Variants in BMAL1 observed in about 807,000 individuals in gnomAD.
BMAL1 encodes basic helix-loop-helix ARNT like 1, also known as basic helix-loop-helix ARNT-like protein 1.
At chr11:13,281,353 C>G in the BMAL1 span, among the ~76,000 whole-genome samples, 14 of 152,022 alleles carry the variant, frequency 9.2e-5, no homozygotes. Flanking sequence ...CAGCCTCCCC[C>G]ACTCTCCCAT....
At chr11:13,284,248 A>G in the BMAL1 span, among the ~76,000 whole-genome samples, 16 of 23,696 alleles carry the variant, frequency 6.8e-4, no homozygotes, top group Non-Finnish European at 8.1e-4. Context: ...ATATATATAT[A>G]TATATATATA....
chr11:13,300,523 G>A, the BMAL1 span, among the ~76,000 whole-genome samples: 5 of 152,166 alleles, frequency 3.3e-5, no homozygotes, highest in African/African-American at 4.8e-5. Flanking sequence ...AAAGTAACTC[G>A]TGACTTGTTT....
the BMAL1 span, among the ~76,000 whole-genome samples, chr11:13,361,717 T>C: frequency 6.6e-6 from 1 of 152,200 alleles, no homozygotes; most frequent in Admixed American, 6.5e-5. Context: ...GAGTAGGTTA[T>C]GTTGGGTTGC....
At chr11:13,277,396 G>A in the BMAL1 span, among the ~76,000 whole-genome samples, 1 of 152,180 alleles carries the variant, frequency 6.6e-6, no homozygotes, top group African/African-American at 2.4e-5. Flanking sequence ...GCGGCTAGTG[G>A]GAGACCTGAG....
At chr11:13,309,925 T>C in the BMAL1 span, 2 of 152,664 alleles carry the variant, frequency 1.3e-5, no homozygotes, top group East Asian at 3.9e-4. Context: ...AGGAGTATGG[T>C]AAATCAAAAC....
At chr11:13,284,126 G>GTATATA in the BMAL1 span, among the ~76,000 whole-genome samples, 1 of 98,604 alleles carries the variant, frequency 1.0e-5, no homozygotes, top group African/African-American at 4.5e-5. Flanking sequence ...ATATGTGTGT[G>GTATATA]TGTATATATA....
At chr11:13,298,260 C>T in the BMAL1 span, among the ~76,000 whole-genome samples, 1 of 152,220 alleles carries the variant, frequency 6.6e-6, no homozygotes, top group Admixed American at 6.5e-5. Context: ...CCGTGTTGTT[C>T]TTCAAACACA....
chr11:13,295,364 T>A, the BMAL1 span, among the ~76,000 whole-genome samples: 17 of 151,674 alleles, frequency 1.1e-4, no homozygotes, highest in African/African-American at 4.1e-4. Flanking sequence ...AGCAGGGGAA[T>A]CAATGAAGAA....
the BMAL1 span, among the ~76,000 whole-genome samples, chr11:13,298,329 C>G: frequency 6.6e-6 from 1 of 152,178 alleles, no homozygotes; most frequent in Non-Finnish European, 1.5e-5. Context: ...CTGGACCATT[C>G]TTCCCCCAGA....
the BMAL1 span, among the ~76,000 whole-genome samples, chr11:13,279,924 A>C: frequency 2.0e-5 from 3 of 152,210 alleles, no homozygotes. Context: ...CTAACCTGGG[A>C]GTTAGGAGCT....
At chr11:13,383,883 A>AG in the BMAL1 span, among the ~76,000 whole-genome samples, 2 of 152,022 alleles carry the variant, frequency 1.3e-5, no homozygotes, top group African/African-American at 4.8e-5. Flanking sequence ...GAAGGGAGTG[A>AG]GGGAGGGAGG....
At chr11:13,365,127 T>C in the BMAL1 span, among the ~76,000 whole-genome samples, 7 of 152,190 alleles carry the variant, frequency 4.6e-5, no homozygotes, top group Admixed American at 2.6e-4. Flanking sequence ...TCTCAGATTC[T>C]CTGACTCTCC....
the BMAL1 span, among the ~76,000 whole-genome samples, chr11:13,320,653 G>A: frequency 1.3e-5 from 2 of 152,222 alleles, no homozygotes; most frequent in Non-Finnish European, 2.9e-5. Flanking sequence ...ATAAATATGA[G>A]TCCTCTCTTA....
the BMAL1 span, chr11:13,354,539 GGAAAAGGGGAT>G: frequency 7.3e-6 from 11 of 1,500,192 alleles, no homozygotes; most frequent in Admixed American, 2.3e-5. Context: ...GTTTCATCCT[GGAAAAGGGGAT>G]GGGAATAAAA....
the BMAL1 span, among the ~76,000 whole-genome samples, chr11:13,361,429 C>T: frequency 2.0e-5 from 3 of 152,178 alleles, no homozygotes; most frequent in South Asian, 2.1e-4. Context: ...CCACCTCCCA[C>T]AAAGTCAGGG....
At chr11:13,363,796 G>A in the BMAL1 span, among the ~76,000 whole-genome samples, 1 of 152,124 alleles carries the variant, frequency 6.6e-6, no homozygotes, top group South Asian at 2.1e-4. Flanking sequence ...CCTGCCACTG[G>A]CTGGCCCCTG....
chr11:13,369,567 TGACA>T, the BMAL1 span: 2 of 1,608,018 alleles, frequency 1.2e-6, no homozygotes, highest in African/African-American at 2.7e-5. Context: ...CTCCCCCTCC[TGACA>T]GACAACACTG....
chr11:13,315,456 G>A, the BMAL1 span, among the ~76,000 whole-genome samples: 25 of 152,174 alleles, frequency 1.6e-4, no homozygotes, highest in Non-Finnish European at 1.0e-4. Flanking sequence ...TAGCTACTTT[G>A]TATTAGGGGC....
At chr11:13,299,297 G>A in the BMAL1 span, among the ~76,000 whole-genome samples, 1 of 152,164 alleles carries the variant, frequency 6.6e-6, no homozygotes, top group Non-Finnish European at 1.5e-5. Context: ...TTGAGAGGTT[G>A]GGGTCATTCA....
Sources: gnomAD v4.1 joint callset for allele counts (sites outside exome capture counted in the v4.1 genomes callset) on GRCh38, gnomAD v4.1.1 for gene constraint, MANE v1.5 for transcripts, NCBI Gene and HGNC (gene_info 2026-07-23, HGNC 2026-07-21) for gene names.